The following LIMS1 variants were observed in gnomAD, a reference collection of about 807,000 sequenced individuals.
The protein encoded by LIMS1 is LIM and senescent cell antigen-like-containing domain protein 1.
In LIMS1, 18 loss-of-function variants were observed where a neutral mutation model predicts 44.1. The ratio of observed to expected loss-of-function variants is 0.41; its 90% CI spans 0.28 to 0.61. The LOEUF is 0.61. Among genes scored for constraint, LIMS1 ranks in the 20% least tolerant of loss-of-function variants. The pLI is 0.32. For synonymous variants in LIMS1, 93 were observed against 149.1 expected, an observed-to-expected ratio of 0.62 and a Z score of 2.74; for missense variants, 201 against 422.0, an observed-to-expected ratio of 0.48 and a Z score of 4.59.
chr2:108,534,117 GC>G, upstream of LIMS1: 2 of 153,760 alleles, frequency 1.3e-5, no homozygotes, highest in Non-Finnish European at 2.9e-5. Flanking sequence ...AGGGAACTCG[GC>G]CCCCGAGCCG....
intron 1 of LIMS1, among the ~76,000 whole-genome samples, chr2:108,614,352 C>T (rs1687820835): frequency 6.6e-6 from 1 of 152,154 alleles, no homozygotes; most frequent in African/African-American, 2.4e-5. Flanking sequence ...CTGGTAGACA[C>T]TCTTCCAGAT....
chr2:108,564,491 A>C (rs1032574460), intron 1 of LIMS1, among the ~76,000 whole-genome samples: 1 of 152,250 alleles, frequency 6.6e-6, no homozygotes, highest in Middle Eastern at 3.4e-3. Context: ...ATTTTGAGGA[A>C]TAGGCTTGCA....
At chr2:108,585,685 A>AGATGGT (rs1391594198) in intron 1 of LIMS1, among the ~76,000 whole-genome samples, 1 of 152,100 alleles carries the variant, frequency 6.6e-6, no homozygotes, top group Non-Finnish European at 1.5e-5. Flanking sequence ...CTTGCAAAAG[A>AGATGGT]GATGGTGATG....
intron 1 of LIMS1, among the ~76,000 whole-genome samples, chr2:108,558,478 G>A (rs979123635): frequency 6.6e-6 from 1 of 151,780 alleles, no homozygotes; most frequent in African/African-American, 2.4e-5. Context: ...CAAAGTGCTG[G>A]GATTACAGGT....
chr2:108,640,840 G>C (rs1183011198), intron 1 of LIMS1, among the ~76,000 whole-genome samples: 1 of 151,982 alleles, frequency 6.6e-6, no homozygotes, highest in Non-Finnish European at 1.5e-5. Flanking sequence ...ATAAATTATT[G>C]TTAACATTAG....
chr2:108,580,940 C>T (rs1405039992), intron 1 of LIMS1, among the ~76,000 whole-genome samples: 4 of 152,210 alleles, frequency 2.6e-5, no homozygotes, highest in Admixed American at 2.6e-4. Flanking sequence ...GGTTCCAGCT[C>T]TGCCATCAGG....
At chr2:108,664,271 G>A (rs1201272129) in intron 2 of LIMS1, among the ~76,000 whole-genome samples, 1 of 152,178 alleles carries the variant, frequency 6.6e-6, no homozygotes, top group Non-Finnish European at 1.5e-5. Flanking sequence ...CACTTGACTG[G>A]AAATGAGACT....
intron 1 of LIMS1, among the ~76,000 whole-genome samples, chr2:108,626,330 A>C (rs1381780257): frequency 1.3e-5 from 2 of 152,196 alleles, no homozygotes; most frequent in Non-Finnish European, 2.9e-5. Context: ...GTGAGGGTAC[A>C]TTTAGTCTTC....
chr2:108,565,894 A>G (rs1331589265), intron 1 of LIMS1, among the ~76,000 whole-genome samples: 1 of 152,152 alleles, frequency 6.6e-6, no homozygotes, highest in Non-Finnish European at 1.5e-5. Context: ...AGCCCTTCAC[A>G]AAGCACTATT....
chr2:108,540,270 C>G (rs1378667321), intron 1 of LIMS1, among the ~76,000 whole-genome samples: 3 of 138,630 alleles, frequency 2.2e-5, no homozygotes, highest in Admixed American at 1.7e-4. Flanking sequence ...ATGATCTCGG[C>G]TCACTGCAGG....
In LIMS1 at chr2:108,654,572, C is replaced by A. The variant is rs1480974695; in HGVS notation, c.33-5033C>A. Among the ~76,000 whole-genome samples, 34 of 152,160 alleles carry A rather than the reference C, an allele frequency of 2.2e-4. No individual in the cohort carries two copies. The South Asian group carries it at 7.1e-3, about 32-fold the overall frequency. On this transcript the variant is annotated intron_variant, in intron 1 of 9. Transcript: ENST00000544547. ...TGGAAGCCCAGGTCCAGGCAGGGTT[C>A]AAATGCTCCTCAGAGTGTGCCAGCA... is the stretch of plus-strand genomic sequence containing the variant.
chr2:108,656,316 T>TAG (rs1491387112), intron 1 of LIMS1, among the ~76,000 whole-genome samples: 1,923 of 74,678 alleles, frequency 0.026, 19 homozygotes, highest in African/African-American at 0.036. Context: ...TATCTATCTA[T>TAG]CTATAGATAG....
chr2:108,584,046 G>A (rs985981505), intron 1 of LIMS1, among the ~76,000 whole-genome samples: 1 of 152,088 alleles, frequency 6.6e-6, no homozygotes, highest in Non-Finnish European at 1.5e-5. Flanking sequence ...AGATGGCAAG[G>A]GATGGATGGA....
At chr2:108,560,249 A>G (rs1461048694) in intron 1 of LIMS1, among the ~76,000 whole-genome samples, 1 of 152,180 alleles carries the variant, frequency 6.6e-6, no homozygotes, top group African/African-American at 2.4e-5. Context: ...CACAGCAGCC[A>G]AAGTGATCTT....
At chr2:108,537,106 A>C (rs2577626) in intron 1 of LIMS1, among the ~76,000 whole-genome samples, 9,907 of 152,246 alleles carry the variant, frequency 0.065, 362 homozygotes, top group African/African-American at 0.1. Context: ...GGCCCTCTTT[A>C]GTGCTAAGCG....
intron 1 of LIMS1, among the ~76,000 whole-genome samples, chr2:108,649,418 G>A (rs549292653): frequency 4.6e-5 from 7 of 152,274 alleles, no homozygotes; most frequent in Non-Finnish European, 7.4e-5. Flanking sequence ...ACAGTGTGCC[G>A]ATTCCTCAAG....
In LIMS1 at chr2:108,550,064, T is replaced by C. The variant is rs114522187; in HGVS notation, c.32+15470T>C. Among the ~76,000 whole-genome samples the C allele has an allele frequency of 9.9e-3, 1,500 of 152,248 alleles. 21 individuals carry two copies. The highest frequency in any genetic ancestry group is 0.034 in the African/African-American group (1,407 of 41,550). ...GAAATTATATAATATTTATCATATTTATTAAAGCTTTGTAATATTTTAATG... is the reference window on the plus strand; with the variant it reads ...GAAATTATATAATATTTATCATATTCATTAAAGCTTTGTAATATTTTAATG... On this transcript the variant is annotated intron_variant, in intron 1 of 9. Transcript: ENST00000544547.
At chr2:108,653,366 G>T (rs1573561902) in intron 1 of LIMS1, among the ~76,000 whole-genome samples, 1 of 148,632 alleles carries the variant, frequency 6.7e-6, no homozygotes, top group Non-Finnish European at 1.5e-5. Flanking sequence ...GAAGGATTAA[G>T]GGATGTGATA....
At chr2:108,546,759 TAGA>T (rs913336868) in intron 1 of LIMS1, among the ~76,000 whole-genome samples, 1 of 151,934 alleles carries the variant, frequency 6.6e-6, no homozygotes, top group African/African-American at 2.4e-5. Flanking sequence ...CAATGAAAGA[TAGA>T]AGGAAGATAA....
Sources: allele counts gnomAD v4.1 joint callset (sites outside exome capture counted in the v4.1 genomes callset), GRCh38; gene constraint gnomAD v4.1.1; transcripts MANE v1.5; gene names NCBI Gene and HGNC (gene_info 2026-07-23, HGNC 2026-07-21).